HDAC8: variants seen among roughly 807,000 people sequenced by gnomAD.
The protein encoded by HDAC8 is histone deacetylase-like 1.
HDAC8 carries 1 observed loss-of-function variant against 32.2 expected under a neutral mutation model. The observed-to-expected ratio is 0.03, with a 90% CI of 0.01 to 0.15. The LOEUF (loss-of-function observed/expected upper bound fraction) is 0.15, where lower values mean the gene tolerates loss of function less well. Among genes scored for constraint, HDAC8 ranks in the 10% least tolerant of loss-of-function variants. The probability of loss-of-function intolerance (pLI) is 1.00; values close to 1 mark genes in which losing one functional copy is unlikely to be tolerated. For synonymous variants in HDAC8, 108 were observed against 113.9 expected, an observed-to-expected ratio of 0.95 and a Z score of 0.33; for missense variants, 117 against 300.0, an observed-to-expected ratio of 0.39 and a Z score of 4.51.
At chrX:72,554,196 T>C (rs147667446) in intron 4 of HDAC8, among the ~76,000 whole-genome samples, 216 of 111,354 alleles carry the variant, frequency 1.9e-3, no homozygotes, top group African/African-American at 6.7e-3. Flanking sequence ...CCTACTAATA[T>C]GGTGGCTAGG....
intron 9 of HDAC8, among the ~76,000 whole-genome samples, chrX:72,363,422 T>C (rs2044608360): frequency 9.0e-6 from 1 of 111,490 alleles, no homozygotes; most frequent in African/African-American, 3.3e-5. Context: ...ACTGGAGGAT[T>C]AATAAGAATT....
intron 4 of HDAC8, among the ~76,000 whole-genome samples, chrX:72,527,007 A>T (rs1348618998): frequency 9.0e-6 from 1 of 111,205 alleles, no homozygotes; most frequent in Non-Finnish European, 1.9e-5. Context: ...GAAAAATCTG[A>T]TTGTGTCACT....
chrX:72,420,978 G>T (rs2046471712), intron 9 of HDAC8, among the ~76,000 whole-genome samples: 1 of 110,259 alleles, frequency 9.1e-6, no homozygotes, highest in Non-Finnish European at 1.9e-5. Context: ...TGATAAGGAT[G>T]GATTTTTGCA....
chrX:72,358,039 G>A (rs2044426022), intron 9 of HDAC8, among the ~76,000 whole-genome samples: 1 of 109,817 alleles, frequency 9.1e-6, no homozygotes. Flanking sequence ...CGAGTAGCTG[G>A]GATTATAGGC....
intron 5 of HDAC8, among the ~76,000 whole-genome samples, chrX:72,493,104 T>C (rs781911284): frequency 2.7e-5 from 3 of 111,149 alleles, no homozygotes; most frequent in Non-Finnish European, 5.7e-5. Flanking sequence ...GGGTAGACCT[T>C]GGGACAGGTG....
intron 4 of HDAC8, among the ~76,000 whole-genome samples, chrX:72,495,920 C>T (rs1556012788): frequency 8.9e-6 from 1 of 111,850 alleles, no homozygotes; most frequent in Non-Finnish European, 1.9e-5. Flanking sequence ...AAATTCTCTT[C>T]ATTGACTTCA....
At chrX:72,356,269 G>A (rs782790430) in intron 9 of HDAC8, among the ~76,000 whole-genome samples, 2 of 111,385 alleles carry the variant, frequency 1.8e-5, no homozygotes, top group South Asian at 7.7e-4. Flanking sequence ...GTCTGCAAAG[G>A]GGGTATAGAG....
intron 9 of HDAC8, among the ~76,000 whole-genome samples, chrX:72,435,754 G>A (rs1331552177): frequency 1.8e-5 from 2 of 111,314 alleles, no homozygotes; most frequent in Non-Finnish European, 3.8e-5. Flanking sequence ...GATCGCTTGA[G>A]GTCAGGAGTT....
intron 7 of HDAC8, among the ~76,000 whole-genome samples, chrX:72,477,166 G>T (rs1012797284): frequency 1.8e-5 from 2 of 111,752 alleles, no homozygotes; most frequent in African/African-American, 3.3e-5. Context: ...CCTGGATAGC[G>T]ATGCCCTTGG....
chrX:72,560,811 G>T (rs1157702400), intron 4 of HDAC8, among the ~76,000 whole-genome samples: 1 of 108,948 alleles, frequency 9.2e-6, no homozygotes, highest in Non-Finnish European at 1.9e-5. Context: ...CAACCATATG[G>T]TTTGTTTTTT....
intron 9 of HDAC8, among the ~76,000 whole-genome samples, chrX:72,397,044 AGGGCAAATGG>A (rs1321943930): frequency 9.0e-6 from 1 of 110,990 alleles, no homozygotes; most frequent in African/African-American, 3.3e-5. Flanking sequence ...ATCATGGCAG[AGGGCAAATGG>A]GGGGCTGGCA....
intron 4 of HDAC8, among the ~76,000 whole-genome samples, chrX:72,516,211 C>T (rs782187864): frequency 7.2e-5 from 8 of 111,268 alleles, no homozygotes; most frequent in Non-Finnish European, 1.5e-4. Context: ...AGGAAATTTG[C>T]GAGACAGAAT....
chrX:72,570,568 C>T (rs2051987451), intron 2 of HDAC8, among the ~76,000 whole-genome samples: 2 of 101,732 alleles, frequency 2.0e-5, no homozygotes, highest in South Asian at 9.7e-4. Flanking sequence ...GAGATCGCGC[C>T]ACTGCACTCC....
At chrX:72,549,860 C>G (rs782568574) in intron 4 of HDAC8, among the ~76,000 whole-genome samples, 1 of 111,799 alleles carries the variant, frequency 8.9e-6, no homozygotes, top group East Asian at 2.8e-4. Context: ...GAAATATTAT[C>G]AAAATAATGT....
chrX:72,443,825 T>C (rs1354063810), intron 9 of HDAC8, among the ~76,000 whole-genome samples: 1 of 108,760 alleles, frequency 9.2e-6, no homozygotes, highest in Non-Finnish European at 1.9e-5. Flanking sequence ...AAGAATCAAA[T>C]AGATGCAATA....
chrX:72,501,123 A>T (rs1161499416), intron 4 of HDAC8, among the ~76,000 whole-genome samples: 1 of 111,994 alleles, frequency 8.9e-6, no homozygotes, highest in Non-Finnish European at 1.9e-5. Context: ...ATCAGAGAAG[A>T]CACAAACAAA....
At chrX:72,407,899 A>G (rs1054298496) in intron 9 of HDAC8, among the ~76,000 whole-genome samples, 3 of 112,412 alleles carry the variant, frequency 2.7e-5, no homozygotes, top group South Asian at 3.7e-4. Flanking sequence ...GCCCAATGGT[A>G]CTGAGTTATC....
chrX:72,495,307 G>A (rs1556012426), intron 4 of HDAC8, 39 bp from the exon 5 acceptor site: 3 of 943,808 alleles, frequency 3.2e-6, no homozygotes, highest in Non-Finnish European at 4.5e-6. Flanking sequence ...CAGCCAAAAA[G>A]CAATCCAAGG....
chrX:72,478,005 G>A (rs916570174), intron 7 of HDAC8, among the ~76,000 whole-genome samples: 71 of 112,227 alleles, frequency 6.3e-4, no homozygotes, highest in African/African-American at 2.1e-3. Context: ...GTGGCGCTCC[G>A]CTTCTTAGTT....
Sources: allele counts gnomAD v4.1 joint callset (sites outside exome capture counted in the v4.1 genomes callset), GRCh38; gene constraint gnomAD v4.1.1; transcripts MANE v1.5; gene names NCBI Gene and HGNC (gene_info 2026-07-23, HGNC 2026-07-21).